CYFIP1: variants seen among roughly 807,000 people sequenced by gnomAD.
CYFIP1 encodes cytoplasmic FMR1-interacting protein 1.
Under a neutral mutation model 163.5 loss-of-function variants are expected in CYFIP1, and 58 were observed. The observed-to-expected ratio is 0.35, with a 90% CI of 0.29 to 0.44. The LOEUF is 0.44. CYFIP1 is among the 20% of genes least tolerant of loss of function. CYFIP1 has a pLI of 1.00. For missense variants in CYFIP1, 1,338 were observed against 1,653.8 expected (o/e 0.81, Z 3.31); for synonymous variants, 663 against 660.7 (o/e 1.00, Z -0.05).
chr15:22,948,012 G>A (rs1168978784), intron 1 of CYFIP1: 16 of 984,786 alleles, frequency 1.6e-5, no homozygotes, highest in African/African-American at 1.7e-5. Context: ...ATGGGACCAG[G>A]GGCAGCTGAG....
In CYFIP1 at chr15:22,917,864, A is replaced by G. The variant is rs2061044677; in HGVS notation, c.1598T>C (p.Leu533Ser). The change falls in exon 15 of 31, where the codon TTG becomes TCG. Residue 533 changes from leucine (L) to serine (S), a missense_variant. Around this residue, in one of 4 missense-constraint regions of CYFIP1, gnomAD observed 824 missense variants for 995.7 expected, o/e 0.83. Coordinates refer to ENST00000617928, the MANE Select transcript of CYFIP1 (RefSeq NM_014608.6). The surrounding 1 kb of genome is among the most constrained non-coding windows in gnomAD (Gnocchi z 4.2). ...GCTCTTGGGGTCCTTCTCGCCCCGC[A>G]AGGCTGGGTCATTGAAGGGCTCATG... The part of the protein sequence containing the change: ...TGHEPFNDPA[L>S]RGEKDPKSGF... 1 of 1,613,750 alleles carries G rather than the reference A, an allele frequency of 6.2e-7. No individual in the cohort carries two copies. The highest frequency in any genetic ancestry group is 8.5e-7 in the Non-Finnish European group (1 of 1,179,942).
At chr15:22,881,268 A>G (rs2059753055) in intron 25 of CYFIP1, among the ~76,000 whole-genome samples, 1 of 152,234 alleles carries the variant, frequency 6.6e-6, no homozygotes, top group Non-Finnish European at 1.5e-5. Flanking sequence ...CCAGCTTTCA[A>G]GAAAACTCGG....
chr15:22,871,005 C>G (rs986203680), intron 30 of CYFIP1, among the ~76,000 whole-genome samples: 3 of 152,178 alleles, frequency 2.0e-5, no homozygotes, highest in African/African-American at 7.2e-5. Flanking sequence ...GGGGCAGATG[C>G]CAACAGCGGC....
Position 22,917,643 on chromosome 15 carries a change from C to A in CYFIP1, c.1674+145G>T. On this transcript the variant is annotated intron_variant, in intron 15 of 30. Transcript: ENST00000617928. The surrounding 1 kb of genome is among the most constrained non-coding windows in gnomAD (Gnocchi z 4.2). Reference sequence around the variant, plus strand: ...CTCACTTGGGTGGGAAACAGAGGAGCAGCAGAAACCACAGGCGCCACTTTC... The same window carrying A: ...CTCACTTGGGTGGGAAACAGAGGAGAAGCAGAAACCACAGGCGCCACTTTC... The A allele has an allele frequency of 4.1e-6, 4 of 984,860 alleles. No homozygotes were observed. Among genetic ancestry groups the A allele is most frequent in the Non-Finnish European group, 4.3e-6 (3 of 697,500 alleles). 61.0% of individuals were successfully genotyped at this position (984,860 alleles called of 1,614,324 possible).
chr15:22,912,103 T>A, intron 18 of CYFIP1, 76 bp downstream of exon 18: 1 of 1,309,956 alleles, frequency 7.6e-7, no homozygotes, highest in Non-Finnish European at 1.1e-6. Context: ...GAAAGTTGAA[T>A]ACTTGGGAGA....
At chr15:22,942,634 C>T (rs149556355) in intron 6 of CYFIP1, among the ~76,000 whole-genome samples, 1 of 152,300 alleles carries the variant, frequency 6.6e-6, no homozygotes, top group East Asian at 1.9e-4. Flanking sequence ...CTCTCTACAT[C>T]CAGAAAGAAA....
At chr15:22,933,960 G>T in intron 9 of CYFIP1, 67 bp from the exon 10 acceptor site, 1 of 1,110,410 alleles carries the variant, frequency 9.0e-7, no homozygotes, top group Admixed American at 2.2e-5. Flanking sequence ...TAAGCACAAG[G>T]AAACTGACTA....
rs75859133 is a variant in CYFIP1, at chr15:22,934,144, G to A, written c.901-251C>T. 7.0e-3 allele frequency among the ~76,000 whole-genome samples: 689 copies of A among 98,170 alleles called. 8 individuals carry two copies. The highest frequency in any genetic ancestry group is 0.023 in the African/African-American group (641 of 27,436). 64.4% of individuals were successfully genotyped at this position (98,170 alleles called of 152,430 possible). A position where few individuals can be genotyped will look rare whatever the true frequency, so the allele number is the denominator to read the frequency against. Reference sequence around the variant, plus strand: ...AACCTACCATGTTGCTAGATCCACAGTCATAAAAAAAAAAAAATCACTGCA... The same window carrying A: ...AACCTACCATGTTGCTAGATCCACAATCATAAAAAAAAAAAAATCACTGCA... On this transcript the variant is annotated intron_variant, in intron 9 of 30. Coordinates refer to ENST00000617928, the MANE Select transcript of CYFIP1 (RefSeq NM_014608.6).
In CYFIP1 at chr15:22,867,857, T is replaced by TGAA. The variant is rs1447672658; in HGVS notation, c.*2168_*2170dup. 6.6e-6 allele frequency: 1 copy of TGAA among 152,220 alleles called. No homozygotes were observed. The highest frequency in any genetic ancestry group is 1.9e-4 in the East Asian group (1 of 5,198). 9.4% of individuals were successfully genotyped at this position (152,220 alleles called of 1,614,324 possible). ...TTGGTTTCTAGAAAATGTTTGTTTA[T>TGAA]GAAGAAGTCGATGGAAAACTGCAAA... On this transcript the variant is annotated 3_prime_UTR_variant, in exon 31 of 31. Transcript: ENST00000617928.
chr15:22,890,437 G>A (rs879786108), intron 23 of CYFIP1, among the ~76,000 whole-genome samples: 3 of 152,250 alleles, frequency 2.0e-5, no homozygotes, highest in East Asian at 3.9e-4. Flanking sequence ...GGGGAGCCCC[G>A]TAACAGCTGT....
At chr15:22,878,795 C>T (rs936527955) in intron 26 of CYFIP1, among the ~76,000 whole-genome samples, 23 of 150,954 alleles carry the variant, frequency 1.5e-4, no homozygotes, top group African/African-American at 4.9e-4. Context: ...GAAGAATTTA[C>T]GATATGTGCA....
intron 22 of CYFIP1, among the ~76,000 whole-genome samples, chr15:22,895,816 A>ACCACAGCCCAAGTGAGCG (rs1158621154): frequency 2.0e-5 from 3 of 152,112 alleles, no homozygotes; most frequent in Admixed American, 6.5e-5. Context: ...AAAACTGAAC[A>ACCACAGCCCAAGTGAGCG]CCACAGCCCA....
chr15:22,931,124 C>G (rs912076061), intron 11 of CYFIP1, among the ~76,000 whole-genome samples: 1 of 152,174 alleles, frequency 6.6e-6, no homozygotes, highest in Non-Finnish European at 1.5e-5. Flanking sequence ...GGGTGCTCAT[C>G]GTCCTGCAGT....
At chr15:22,911,962 G>A (rs1441152221) in intron 18 of CYFIP1, among the ~76,000 whole-genome samples, 2 of 152,116 alleles carry the variant, frequency 1.3e-5, no homozygotes, top group African/African-American at 4.8e-5. Flanking sequence ...AATAGATGAG[G>A]ACACAGACAC....
intron 1 of CYFIP1, among the ~76,000 whole-genome samples, chr15:22,975,572 C>G (rs1209565522): frequency 1.3e-5 from 2 of 151,880 alleles, no homozygotes; most frequent in East Asian, 3.9e-4. Flanking sequence ...ATCAGCCTGA[C>G]CAACACAGTG....
chr15:22,945,381 C>T (rs1797326627), intron 3 of CYFIP1, among the ~76,000 whole-genome samples: 1 of 152,134 alleles, frequency 6.6e-6, no homozygotes, highest in African/African-American at 2.4e-5. Flanking sequence ...GGGCTGCCAG[C>T]CCCGGGTGTG....
chr15:22,913,161 A>G (rs1243109433), intron 17 of CYFIP1, among the ~76,000 whole-genome samples: 1 of 151,474 alleles, frequency 6.6e-6, no homozygotes, highest in Non-Finnish European at 1.5e-5. Context: ...GCACCACTGC[A>G]CTCCAGCCTG....
intron 25 of CYFIP1, 119 bp from the exon 26 acceptor site, chr15:22,880,162 A>G (rs2059712897): frequency 3.7e-6 from 5 of 1,352,550 alleles, no homozygotes; most frequent in Non-Finnish European, 5.2e-6. Flanking sequence ...GGCTATAAGG[A>G]CAGCCACAAC....
intron 22 of CYFIP1, among the ~76,000 whole-genome samples, chr15:22,898,988 T>C (rs960844346): frequency 6.6e-6 from 1 of 150,896 alleles, no homozygotes; most frequent in Non-Finnish European, 1.5e-5. Flanking sequence ...GGTGACAGCA[T>C]GAGACTCTGT....
Sources: allele counts gnomAD v4.1 joint callset (sites outside exome capture counted in the v4.1 genomes callset), GRCh38; gene constraint gnomAD v4.1.1; regional missense constraint gnomAD v4.1.1; non-coding constraint Gnocchi (gnomAD v3.1); transcripts MANE v1.5; gene names NCBI Gene and HGNC (gene_info 2026-07-23, HGNC 2026-07-21).